The following DCAF1 variants were observed in gnomAD, a reference collection of about 807,000 sequenced individuals.
The protein encoded by DCAF1 is DDB1- and CUL4-associated factor 1.
In DCAF1, 15 loss-of-function variants were observed where a neutral mutation model predicts 128.0. The ratio of observed to expected loss-of-function variants is 0.12; its 90% CI spans 0.08 to 0.18. The LOEUF is 0.18. Ranked by LOEUF, DCAF1 falls within the 10% of genes least tolerant of loss-of-function variation. The pLI, the probability that DCAF1 is intolerant of heterozygous loss-of-function variation, is 1.00. For missense variants in DCAF1, 988 were observed against 1,649.5 expected (o/e 0.60, Z 6.95); for synonymous variants, 610 against 603.0 (o/e 1.01, Z -0.17).
At chr3:51,469,878 G>A (rs782211252) in intron 4 of DCAF1, among the ~76,000 whole-genome samples, 8 of 151,996 alleles carry the variant, frequency 5.3e-5, no homozygotes, top group Admixed American at 1.3e-4. Flanking sequence ...AAACTTAGCC[G>A]ACTGTGGTGG....
At chr3:51,468,257 C>T (rs1220765152) in intron 4 of DCAF1, among the ~76,000 whole-genome samples, 1 of 152,142 alleles carries the variant, frequency 6.6e-6, no homozygotes, top group African/African-American at 2.4e-5. Context: ...CTGCAACCTC[C>T]ACCTCCTAAA....
chr3:51,396,761 C>G (rs1553623102), downstream of DCAF1: 1 of 167,172 alleles, frequency 6.0e-6, no homozygotes, highest in Non-Finnish European at 1.5e-5. Context: ...CTGTCTCCCC[C>G]ACAGAGACCT....
At chr3:51,439,174 G>A (rs1178654481) in intron 9 of DCAF1, among the ~76,000 whole-genome samples, 1 of 151,852 alleles carries the variant, frequency 6.6e-6, no homozygotes, top group Non-Finnish European at 1.5e-5. Flanking sequence ...TCACCCTGTC[G>A]CTCAGGCTCA....
intron 5 of DCAF1, among the ~76,000 whole-genome samples, chr3:51,465,510 G>A (rs182098355): frequency 4.1e-4 from 62 of 151,908 alleles, no homozygotes; most frequent in Middle Eastern, 3.4e-3. Context: ...TTGGGAGGCC[G>A]AGGCAGGTGG....
chr3:51,421,005 G>C lies in DCAF1; in HGVS notation c.1973-8C>G, dbSNP rs1225019141. The C allele has an allele frequency of 1.9e-6, 3 of 1,589,614 alleles. No homozygotes were observed. Among genetic ancestry groups the C allele is most frequent in the African/African-American group, 1.4e-5 (1 of 73,440 alleles). The stretch of plus-strand genomic sequence containing the variant: ...CCAAAATAATGCTGATACCTAATGG[G>C]AAAAAAAATTATGTATTATTCACCA... On this transcript the variant is annotated splice_polypyrimidine_tract_variant and splice_region_variant and intron_variant, in intron 14 of 24. Coordinates refer to ENST00000684031, the MANE Select transcript of DCAF1 (RefSeq NM_001387579.1).
At chr3:51,463,863 A>AT (rs1301423382) in intron 5 of DCAF1, among the ~76,000 whole-genome samples, 6 of 151,792 alleles carry the variant, frequency 4.0e-5, no homozygotes, top group South Asian at 2.1e-4. Flanking sequence ...CACTTTAATG[A>AT]TTTTTTTTAC....
At chr3:51,431,994 C>T (rs1054310915) in intron 10 of DCAF1, among the ~76,000 whole-genome samples, 1 of 151,498 alleles carries the variant, frequency 6.6e-6, no homozygotes, top group Non-Finnish European at 1.5e-5. Flanking sequence ...AAAAAAAGGC[C>T]GGGCATGGTG....
At position 51,413,993 on chromosome 3, in the gene DCAF1, C is replaced by T; in HGVS notation, c.3888G>A (p.Gln1296=). 1.2e-6 allele frequency: 2 copies of T among 1,604,332 alleles called. No individual in the cohort carries two copies. Among genetic ancestry groups the T allele is most frequent in the Non-Finnish European group, 1.7e-6 (2 of 1,175,882 alleles). ...HLLHTVPALD[Q]CRVVFNHTGT... is the part of the protein sequence containing the mutation. ...CCGTGTGATTGAACACCACGCGACA[C>T]TGATCCAGAGCGGGAACAGTATGCA... Residue 1296 remains glutamine (Q), a synonymous_variant, in exon 20 of 25, where the codon CAG becomes CAA. Coordinates refer to ENST00000684031, the MANE Select transcript of DCAF1 (RefSeq NM_001387579.1).
intron 4 of DCAF1, 78 bp from the exon 5 acceptor site, chr3:51,466,954 G>T: frequency 7.9e-7 from 1 of 1,271,326 alleles, no homozygotes; most frequent in African/African-American, 1.5e-5. Flanking sequence ...CTCTGGAAAG[G>T]CACCTGGGTT....
upstream of DCAF1, among the ~76,000 whole-genome samples, chr3:51,504,283 G>A (rs369783657): frequency 2.3e-4 from 35 of 151,678 alleles, no homozygotes; most frequent in East Asian, 4.9e-3. Context: ...TGATCCGCCC[G>A]CCTCTGCCTC....
At chr3:51,426,473 G>A (rs1246006891) in intron 13 of DCAF1, among the ~76,000 whole-genome samples, 5 of 152,132 alleles carry the variant, frequency 3.3e-5, no homozygotes, top group African/African-American at 1.2e-4. Context: ...TCCTTCCAAA[G>A]TGCTGAAATT....
chr3:51,420,235 C>T lies in DCAF1; in HGVS notation c.2735G>A (p.Arg912His), dbSNP rs915023002. 2.5e-6 allele frequency: 4 copies of T among 1,613,934 alleles called. No individual in the cohort carries two copies. Among genetic ancestry groups the T allele is most frequent in the East Asian group, 2.2e-5 (1 of 44,878 alleles). The change falls in exon 15 of 25, where the codon CGT becomes CAT. Residue 912 changes from arginine to histidine, a missense_variant. Around this residue, in one of 11 missense-constraint regions of DCAF1, gnomAD observed 88 missense variants for 107.7 expected, o/e 0.82. Transcript: ENST00000684031. The surrounding 1 kb of genome is among the most constrained non-coding windows in gnomAD (Gnocchi z 6.5). Reference protein sequence around the residue: ...TPRIANGIATRLGSHAAVGAS... With the variant: ...TPRIANGIATHLGSHAAVGAS... ...ACCCACAGCAGCATGGCTGCCCAGA[C>T]GAGTTGCAATGCCATTAGCGATACG... is the stretch of plus-strand genomic sequence containing the variant.
intron 23 of DCAF1, 34 bp downstream of exon 23, chr3:51,412,345 T>C (rs781976693): frequency 6.2e-7 from 1 of 1,613,184 alleles, no homozygotes; most frequent in African/African-American, 1.3e-5. Flanking sequence ...TATTAAGCAC[T>C]GTTCAGCAGA....
At chr3:51,456,666 T>C (rs1302924944) in intron 6 of DCAF1, among the ~76,000 whole-genome samples, 3 of 152,206 alleles carry the variant, frequency 2.0e-5, no homozygotes, top group East Asian at 3.9e-4. Context: ...CACCCCCCAG[T>C]AGGGGCGGAC....
chr3:51,399,015 G>A (rs1170185272), intron 24 of DCAF1, among the ~76,000 whole-genome samples, 188 bp from the exon 25 acceptor site: 1 of 152,228 alleles, frequency 6.6e-6, no homozygotes, highest in African/African-American at 2.4e-5. Context: ...CTTGGCAGTT[G>A]TATTCTCCCG....
chr3:51,462,377 C>T lies in DCAF1; in HGVS notation c.375+737G>A, dbSNP rs1402499151. On this transcript the variant is annotated intron_variant, in intron 6 of 24. Transcript: ENST00000684031. ...GAAGTTGCAGTGAGCTGAGACTGCA[C>T]CACTGCATTCCAGCCTGGGCGACAG... 2.0e-5 allele frequency among the ~76,000 whole-genome samples: 3 copies of T among 152,034 alleles called. No homozygotes were observed. In the East Asian group the frequency reaches 5.8e-4, roughly 29 times the overall value.
intron 9 of DCAF1, among the ~76,000 whole-genome samples, chr3:51,433,466 A>G (rs1362270625): frequency 6.6e-6 from 1 of 151,854 alleles, no homozygotes; most frequent in Admixed American, 6.6e-5. Context: ...TAACACCAGG[A>G]AATTTTTTTT....
intron 2 of DCAF1, among the ~76,000 whole-genome samples, chr3:51,495,613 C>G (rs1277010964): frequency 1.3e-5 from 2 of 152,098 alleles, no homozygotes; most frequent in Non-Finnish European, 2.9e-5. Flanking sequence ...CAGTCAGCAA[C>G]TGAGTGTGGT....
chr3:51,462,607 AT>A (rs1438379062), intron 6 of DCAF1, among the ~76,000 whole-genome samples: 1 of 151,712 alleles, frequency 6.6e-6, no homozygotes, highest in Non-Finnish European at 1.5e-5. Flanking sequence ...TTAAGTGGAC[AT>A]GGTGGTGGGC....
Sources: allele counts gnomAD v4.1 joint callset (sites outside exome capture counted in the v4.1 genomes callset), GRCh38; gene constraint gnomAD v4.1.1; regional missense constraint gnomAD v4.1.1; non-coding constraint Gnocchi (gnomAD v3.1); transcripts MANE v1.5; gene names NCBI Gene and HGNC (gene_info 2026-07-23, HGNC 2026-07-21).